Variants in LRBA observed in about 807,000 individuals in gnomAD.
LRBA encodes LPS responsive beige-like anchor protein.
LRBA carries 176 observed loss-of-function variants against 330.0 expected under a neutral mutation model. The ratio of observed to expected loss-of-function variants is 0.53; its 90% CI spans 0.47 to 0.60. The LOEUF (loss-of-function observed/expected upper bound fraction) is 0.60, where lower values mean the gene tolerates loss of function less well. Among genes scored for constraint, LRBA ranks in the 20% least tolerant of loss-of-function variants. The pLI, the probability that LRBA is intolerant of heterozygous loss-of-function variation, is 0.00. For synonymous variants in LRBA, 1,230 were observed against 1,193.0 expected (o/e 1.03, Z -0.64); for missense variants, 3,259 against 3,444.8 (o/e 0.95, Z 1.35).
intron 37 of LRBA, among the ~76,000 whole-genome samples, chr4:150,615,170 C>G (rs113409651): frequency 9.2e-5 from 14 of 152,190 alleles, no homozygotes; most frequent in Admixed American, 1.3e-4. Flanking sequence ...ATGTAGGAGG[C>G]CATTTTGGAT....
intron 2 of LRBA, among the ~76,000 whole-genome samples, chr4:150,975,444 T>C (rs910025123): frequency 6.6e-6 from 1 of 151,554 alleles, no homozygotes; most frequent in Non-Finnish European, 1.5e-5. Flanking sequence ...GAGAATCCCT[T>C]GAACCCGGGA....
At chr4:150,535,517 C>T (rs1351272165) in intron 40 of LRBA, among the ~76,000 whole-genome samples, 2 of 152,154 alleles carry the variant, frequency 1.3e-5, no homozygotes, top group African/African-American at 4.8e-5. Context: ...TACACAAATA[C>T]ATAATATCAC....
intron 53 of LRBA, among the ~76,000 whole-genome samples, chr4:150,295,204 T>TTTC (rs1285005046): frequency 2.7e-5 from 4 of 147,976 alleles, no homozygotes; most frequent in African/African-American, 1.0e-4. Flanking sequence ...CTTTTTTTTT[T>TTTC]TTTTTTTTTT....
At chr4:150,686,674 T>C (rs1337237569) in intron 36 of LRBA, among the ~76,000 whole-genome samples, 4 of 152,158 alleles carry the variant, frequency 2.6e-5, no homozygotes, top group Non-Finnish European at 5.9e-5. Context: ...CTTGTCTAAC[T>C]TCACCTAAGA....
At chr4:150,765,085 T>TA (rs75575371) in intron 34 of LRBA, among the ~76,000 whole-genome samples, 5,949 of 134,574 alleles carry the variant, frequency 0.044, 307 homozygotes, top group African/African-American at 0.14. Context: ...TATTCAGCGC[T>TA]AAAAAAAAAA....
At position 150,637,324 on chromosome 4, in the gene LRBA, T is replaced by C. The variant is rs1314418166; in HGVS notation, c.5922-38193A>G. ...ATCCTATACTAATAGCATGGTGTCT[T>C]AATTACTGTATCTTTAAGTTTTGGA... On this transcript the variant is annotated intron_variant, in intron 37 of 56. Coordinates refer to ENST00000651943, the MANE Select transcript of LRBA (RefSeq NM_001364905.1). 2.0e-5 allele frequency among the ~76,000 whole-genome samples: 3 copies of C among 152,186 alleles called. No homozygotes were observed. The East Asian group carries it at 5.8e-4, about 29-fold the overall frequency.
At position 150,963,918 on chromosome 4, in the gene LRBA, G is replaced by A. The variant is rs532151588; in HGVS notation, c.217-34853C>T. Among the ~76,000 whole-genome samples, 83 of 147,154 alleles carry A rather than the reference G, an allele frequency of 5.6e-4. 1 individual carries two copies. Among genetic ancestry groups the A allele is most frequent in the Non-Finnish European group, 9.0e-4 (61 of 67,792 alleles). On this transcript the variant is annotated intron_variant, in intron 2 of 56. Coordinates refer to ENST00000651943, the MANE Select transcript of LRBA (RefSeq NM_001364905.1). Reference sequence around the variant, plus strand: ...GGGAGCGCCTGTGCCCCGCCGCCCCGTCTGGGATGTGAAGAGTGCCTCTGC... The same window carrying A: ...GGGAGCGCCTGTGCCCCGCCGCCCCATCTGGGATGTGAAGAGTGCCTCTGC...
chr4:150,573,125 C>G (rs1425543744), intron 40 of LRBA, among the ~76,000 whole-genome samples: 1 of 152,124 alleles, frequency 6.6e-6, no homozygotes, highest in Admixed American at 6.5e-5. Flanking sequence ...TATGGACTAG[C>G]TGAACACACC....
Position 150,867,851 on chromosome 4 carries a change from T to C in LRBA, c.2586A>G (p.Gln862=), listed in dbSNP as rs763553802. 101 of 1,609,080 alleles carry C rather than the reference T, an allele frequency of 6.3e-5. No individual in the cohort carries two copies. Among genetic ancestry groups the C allele is most frequent in the Non-Finnish European group, 7.9e-5 (93 of 1,178,040 alleles). The change falls in exon 22 of 57, where the codon CAA becomes CAG. Residue 862 remains glutamine, a synonymous_variant. Coordinates refer to ENST00000651943, the MANE Select transcript of LRBA (RefSeq NM_001364905.1). ...GCATCCATTCTTGCCACACAGAGCATTGTAGCAAGCTCCTGAAAATTATGA... is the reference window on the plus strand; with the variant it reads ...GCATCCATTCTTGCCACACAGAGCACTGTAGCAAGCTCCTGAAAATTATGA... The part of the protein sequence containing the change: ...NSRENRRSLL[Q]CSVWQEWMLS...
intron 37 of LRBA, among the ~76,000 whole-genome samples, chr4:150,606,975 A>C (rs1774707422): frequency 6.6e-6 from 1 of 152,244 alleles, no homozygotes; most frequent in Non-Finnish European, 1.5e-5. Context: ...ACAGAAACTT[A>C]AATGATAAAC....
chr4:150,570,552 T>C (rs1769710860), intron 40 of LRBA, among the ~76,000 whole-genome samples: 1 of 152,152 alleles, frequency 6.6e-6, no homozygotes, highest in African/African-American at 2.4e-5. Context: ...CATGTCATCT[T>C]CTCTTTGTAA....
Position 150,603,338 on chromosome 4 carries a change from T to G in LRBA, c.5922-4207A>C, listed in dbSNP as rs1458075537. On this transcript the variant is annotated intron_variant, in intron 37 of 56. Coordinates refer to ENST00000651943, the MANE Select transcript of LRBA (RefSeq NM_001364905.1). ...AGAGTCTGAAGTTAAAATTACCATGTAAGTCTATTGGACTTTTCTACATAT... is the reference window on the plus strand; with the variant it reads ...AGAGTCTGAAGTTAAAATTACCATGGAAGTCTATTGGACTTTTCTACATAT... Among the ~76,000 whole-genome samples the G allele has an allele frequency of 3.9e-5, 6 of 152,356 alleles. No homozygotes were observed. In the South Asian group the frequency reaches 1.2e-3, roughly 32 times the overall value.
rs1581649338 is a variant in LRBA at position 150,551,423 on chromosome 4, A to G, written c.6330+36625T>C. ...AGCAGGAGTGGTGGCTCACACCTGT[A>G]ATCTTAGCATTTTGGGAGGCTGAGG... On this transcript the variant is annotated intron_variant, in intron 40 of 56. Coordinates refer to ENST00000651943, the MANE Select transcript of LRBA (RefSeq NM_001364905.1). Among the ~76,000 whole-genome samples, 3 of 152,312 alleles carry G rather than the reference A, an allele frequency of 2.0e-5. No homozygotes were observed. The South Asian group carries it at 6.2e-4, about 32-fold the overall frequency.
chr4:150,344,368 A>G lies in LRBA; in HGVS notation c.7362+5624T>C, dbSNP rs979951539. Among the ~76,000 whole-genome samples, 6 of 152,212 alleles carry G rather than the reference A, an allele frequency of 3.9e-5. No individual in the cohort carries two copies. In the East Asian group the frequency reaches 1.2e-3, roughly 29 times the overall value. On this transcript the variant is annotated intron_variant, in intron 48 of 56. Coordinates refer to ENST00000651943, the MANE Select transcript of LRBA (RefSeq NM_001364905.1). Reference sequence around the variant, plus strand: ...CTTTATTTACTGTGTTTACTTCAACATCTCCCATTCATAACACAATCCTCT... The same window carrying G: ...CTTTATTTACTGTGTTTACTTCAACGTCTCCCATTCATAACACAATCCTCT...
Position 150,463,310 on chromosome 4 carries a change from T to G in LRBA, c.6780+4363A>C, listed in dbSNP as rs534828271. On this transcript the variant is annotated intron_variant, in intron 44 of 56. Coordinates refer to ENST00000651943, the MANE Select transcript of LRBA (RefSeq NM_001364905.1). ...GACCTACTAATTACACTACTGTTCA[T>G]TATTCAACTGTGTGCCCTTCAGTTC... 5.1e-4 allele frequency among the ~76,000 whole-genome samples: 78 copies of G among 152,128 alleles called. 1 individual carries two copies. The highest frequency in any genetic ancestry group is 6.9e-4 in the Non-Finnish European group (47 of 67,922).
chr4:150,597,910 G>A (rs1773686222), intron 38 of LRBA, among the ~76,000 whole-genome samples: 1 of 151,982 alleles, frequency 6.6e-6, no homozygotes, highest in African/African-American at 2.4e-5. Flanking sequence ...TTCTCTGTAT[G>A]ATCATTTATT....
chr4:150,293,272 G>A (rs1243636462), intron 53 of LRBA, among the ~76,000 whole-genome samples: 1 of 152,072 alleles, frequency 6.6e-6, no homozygotes, highest in Non-Finnish European at 1.5e-5. Context: ...AATCAAGAAA[G>A]GAAATGGCTT....
chr4:150,894,324 A>G (rs757992701), intron 16 of LRBA, among the ~76,000 whole-genome samples: 18 of 152,294 alleles, frequency 1.2e-4, no homozygotes, highest in South Asian at 2.1e-4. Context: ...TCATTTTCAT[A>G]TACGGTATTA....
chr4:150,861,904 C>T lies in LRBA; in HGVS notation c.2766+5767G>A, dbSNP rs564336108. ...GCTGAGGCATGAGAATTGCTTGAAC[C>T]TGGGAGGTGGAGGTTGCAGTGGGCC... On this transcript the variant is annotated intron_variant, in intron 22 of 56. Coordinates refer to ENST00000651943, the MANE Select transcript of LRBA (RefSeq NM_001364905.1). Among the ~76,000 whole-genome samples, 355 of 151,746 alleles carry T rather than the reference C, an allele frequency of 2.3e-3. 1 individual carries two copies. The highest frequency in any genetic ancestry group is 8.1e-3 in the African/African-American group (334 of 41,354).
Sources: gnomAD v4.1 joint callset for allele counts (sites outside exome capture counted in the v4.1 genomes callset) on GRCh38, gnomAD v4.1.1 for gene constraint, MANE v1.5 for transcripts, NCBI Gene and HGNC (gene_info 2026-07-23, HGNC 2026-07-21) for gene names.